The following BCO1 variants were observed in gnomAD, a reference collection of about 807,000 sequenced individuals.
BCO1 encodes the protein beta,beta-carotene 15,15'-dioxygenase.
BCO1 carries 54 observed loss-of-function variants against 56.3 expected under a neutral mutation model. The observed-to-expected ratio is 0.96, with a 90% CI of 0.77 to 1.20. The LOEUF is 1.20. Ranked by LOEUF, BCO1 falls within the 50% of genes most tolerant of loss-of-function variation. The probability of loss-of-function intolerance (pLI) is 0.00; values close to 1 mark genes in which losing one functional copy is unlikely to be tolerated. For synonymous variants in BCO1, 318 were observed against 266.1 expected (o/e 1.20, Z -1.90); for missense variants, 801 against 690.9 (o/e 1.16, Z -1.79).
chr16:81,285,445 G>T (rs146662204), intron 8 of BCO1, 95 bp from the exon 9 acceptor site: 1 of 918,658 alleles, frequency 1.1e-6, no homozygotes, highest in Non-Finnish European at 1.8e-6. Flanking sequence ...GTGTGGAAAC[G>T]GATTCTGAGG....
intron 8 of BCO1, among the ~76,000 whole-genome samples, chr16:81,281,775 G>T (rs1907896836): frequency 6.6e-6 from 1 of 152,178 alleles, no homozygotes; most frequent in South Asian, 2.1e-4. Flanking sequence ...CCAGGGAATT[G>T]TAAGATGTTT....
chr16:81,283,901 T>A (rs1908018548), intron 8 of BCO1, among the ~76,000 whole-genome samples: 1 of 151,732 alleles, frequency 6.6e-6, no homozygotes, highest in Non-Finnish European at 1.5e-5. Context: ...TATACACATT[T>A]ACGGCCAAGC....
chr16:81,239,694 T>A (rs943769186), intron 1 of BCO1, among the ~76,000 whole-genome samples: 3 of 152,004 alleles, frequency 2.0e-5, no homozygotes, highest in Admixed American at 2.0e-4. Flanking sequence ...GATTGCAGAG[T>A]CTGATGTGAT....
In BCO1 at chr16:81,274,399, G is replaced by T. The variant is rs376642076; in HGVS notation, c.1101+3983G>T. Reference sequence around the variant, plus strand: ...CTGCCTCAGCCTCCCTAGTGGCTGGGACTACAGGCGCCCGCCACTACACCT... The same window carrying T: ...CTGCCTCAGCCTCCCTAGTGGCTGGTACTACAGGCGCCCGCCACTACACCT... On this transcript the variant is annotated intron_variant, in intron 7 of 10. Coordinates refer to ENST00000258168, the MANE Select transcript of BCO1 (RefSeq NM_017429.3). Among the ~76,000 whole-genome samples the T allele has an allele frequency of 3.4e-3, 513 of 151,516 alleles. 6 individuals carry two copies. Among genetic ancestry groups the T allele is most frequent in the African/African-American group, 0.012 (497 of 41,414 alleles).
In BCO1 at chr16:81,287,398, A is replaced by G. The variant is rs901569270; in HGVS notation, c.1406A>G (p.Glu469Gly). Reference sequence around the variant, plus strand: ...GTGCCCGCGCCAGGTGCCAAGGATGAGGATGACGGTAAGACTCTAAGAAGC... The same window carrying G: ...GTGCCCGCGCCAGGTGCCAAGGATGGGGATGACGGTAAGACTCTAAGAAGC... ...LFVPAPGAKDEDDGVILSAIV... is the reference protein window; with the variant it reads ...LFVPAPGAKDGDDGVILSAIV... Residue 469 changes from glutamate to glycine, a missense_variant, in exon 10 of 11, where the codon GAG (glutamate) becomes GGG (glycine). Glu to Gly is a moderately conservative substitution (Grantham distance 98, BLOSUM62 -2). Transcript: ENST00000258168. 2 of 1,613,500 alleles carry G rather than the reference A, an allele frequency of 1.2e-6. No homozygotes were observed. Among genetic ancestry groups the G allele is most frequent in the Admixed American group, 1.7e-5 (1 of 60,000 alleles).
At chr16:81,269,821 C>G (rs1907072034) in intron 6 of BCO1, among the ~76,000 whole-genome samples, 1 of 152,280 alleles carries the variant, frequency 6.6e-6, no homozygotes, top group Middle Eastern at 3.4e-3. Context: ...CCAACTTGGT[C>G]ATTGCCAGGG....
intron 1 of BCO1, among the ~76,000 whole-genome samples, chr16:81,241,114 G>A (rs113547752): frequency 0.024 from 3,640 of 152,180 alleles, 140 homozygotes; most frequent in African/African-American, 0.082. Context: ...GATTATAGGC[G>A]TGAACCACCA....
intron 2 of BCO1, among the ~76,000 whole-genome samples, chr16:81,257,465 A>G (rs769776063): frequency 6.6e-6 from 1 of 151,676 alleles, no homozygotes; most frequent in African/African-American, 2.4e-5. Flanking sequence ...GGGTTTCACC[A>G]TGTTGGCCAG....
chr16:81,265,424 A>ACCAT (rs913451443), intron 5 of BCO1, among the ~76,000 whole-genome samples: 21 of 148,836 alleles, frequency 1.4e-4, no homozygotes, highest in African/African-American at 5.0e-4. Context: ...CCACCCATCC[A>ACCAT]CCATCCATCC....
intron 9 of BCO1, among the ~76,000 whole-genome samples, chr16:81,286,918 A>G (rs143865926): frequency 1.2e-3 from 186 of 151,788 alleles, no homozygotes; most frequent in African/African-American, 4.4e-3. Flanking sequence ...TACTAAAAAT[A>G]CAAAAAATCA....
At chr16:81,268,488 C>G (rs1906975734) in intron 6 of BCO1, among the ~76,000 whole-genome samples, 1 of 152,176 alleles carries the variant, frequency 6.6e-6, no homozygotes, top group Admixed American at 6.5e-5. Flanking sequence ...GACAAGACCC[C>G]TTAACCATGT....
At chr16:81,263,958 A>G (rs185792614) in intron 4 of BCO1, 10 of 156,066 alleles carry the variant, frequency 6.4e-5, no homozygotes, top group Admixed American at 6.2e-4. Context: ...AAATGCTGGA[A>G]GAGAAAGGAG....
At chr16:81,247,105 TC>T (rs1434601826) in intron 2 of BCO1, among the ~76,000 whole-genome samples, 18 of 152,202 alleles carry the variant, frequency 1.2e-4, no homozygotes, top group African/African-American at 4.1e-4. Context: ...AGAGCCGAGT[TC>T]TTAAAGAGGT....
intron 2 of BCO1, among the ~76,000 whole-genome samples, chr16:81,249,558 G>A (rs902228461): frequency 2.0e-5 from 3 of 151,860 alleles, no homozygotes; most frequent in African/African-American, 4.8e-5. Context: ...GCCCGGCCCC[G>A]GCTAGGTTTT....
At chr16:81,278,649 G>A (rs1208984148) in intron 7 of BCO1, among the ~76,000 whole-genome samples, 2 of 152,140 alleles carry the variant, frequency 1.3e-5, no homozygotes, top group African/African-American at 4.8e-5. Flanking sequence ...AGATTCCAAT[G>A]GAGTTGTTAG....
intron 10 of BCO1, among the ~76,000 whole-genome samples, chr16:81,288,463 CTA>C (rs1908303550): frequency 6.6e-6 from 1 of 152,138 alleles, no homozygotes; most frequent in African/African-American, 2.4e-5. Flanking sequence ...AAGGGTCTCA[CTA>C]TGTTTCCCAG....
At chr16:81,265,177 C>G (rs141860315) in intron 5 of BCO1, among the ~76,000 whole-genome samples, 1,815 of 151,740 alleles carry the variant, frequency 0.012, 31 homozygotes, top group Non-Finnish European at 0.014. Flanking sequence ...CATCCACCCA[C>G]CTACCCACCA....
At chr16:81,255,851 A>G (rs968322104) in intron 2 of BCO1, among the ~76,000 whole-genome samples, 8 of 150,890 alleles carry the variant, frequency 5.3e-5, no homozygotes, top group African/African-American at 2.0e-4. Context: ...TTTGACATTG[A>G]GTCTCGCTCT....
At position 81,280,962 on chromosome 16, in the gene BCO1, G is replaced by A; in HGVS notation, c.1207G>A (p.Gly403Ser). ...VYCQPEFLYE[G>S]LELPRVNYAH... Reference sequence around the variant, plus strand: ...CTGCCAGCCGGAATTTCTTTATGAAGGTAAAATGCATCCTCTTGTCCTGAG... The same window carrying A: ...CTGCCAGCCGGAATTTCTTTATGAAAGTAAAATGCATCCTCTTGTCCTGAG... The change falls in exon 8 of 11, where the codon GGC (glycine) becomes AGC (serine). Residue 403 changes from glycine to serine, a missense_variant and splice_region_variant. Coordinates refer to ENST00000258168, the MANE Select transcript of BCO1 (RefSeq NM_017429.3). The A allele has an allele frequency of 1.2e-6, 2 of 1,608,044 alleles. No individual in the cohort carries two copies. The highest frequency in any genetic ancestry group is 8.5e-7 in the Non-Finnish European group (1 of 1,174,558).
Sources: allele counts gnomAD v4.1 joint callset (sites outside exome capture counted in the v4.1 genomes callset), GRCh38; gene constraint gnomAD v4.1.1; transcripts MANE v1.5; gene names NCBI Gene and HGNC (gene_info 2026-07-23, HGNC 2026-07-21).